MAGEC3: variants seen among roughly 807,000 people sequenced by gnomAD.
The protein encoded by MAGEC3 is melanoma-associated antigen C3.
MAGEC3 carries 34 observed loss-of-function variants against 35.3 expected under a neutral mutation model. The ratio of observed to expected loss-of-function variants is 0.96; its 90% CI spans 0.73 to 1.28. MAGEC3 has a LOEUF of 1.28. MAGEC3 is among the 50% of genes most tolerant of loss of function. The pLI, the probability that MAGEC3 is intolerant of heterozygous loss-of-function variation, is 0.00. For missense variants in MAGEC3, 561 were observed against 483.6 expected, an observed-to-expected ratio of 1.16 and a Z score of -1.50; for synonymous variants, 202 against 185.6, an observed-to-expected ratio of 1.09 and a Z score of -0.72.
intron 4 of MAGEC3, among the ~76,000 whole-genome samples, chrX:141,894,968 G>C (rs1368174386): frequency 2.1e-5 from 2 of 96,647 alleles, no homozygotes; most frequent in African/African-American, 7.7e-5. Flanking sequence ...GAGGGAGTGG[G>C]AAAGTGGGCA....
At chrX:141,881,359 G>A (rs2017962538) in intron 3 of MAGEC3, 44 bp from the exon 4 acceptor site, 1 of 1,155,454 alleles carries the variant, frequency 8.7e-7, no homozygotes, top group African/African-American at 1.8e-5. Flanking sequence ...ATTCAATGAA[G>A]AGCCTAGCAG....
At chrX:141,842,967 T>A (rs1399584674) in intron 1 of MAGEC3, among the ~76,000 whole-genome samples, 1 of 112,466 alleles carries the variant, frequency 8.9e-6, no homozygotes, top group Non-Finnish European at 1.9e-5. Flanking sequence ...CAGGTTTGTT[T>A]GACACACACA....
chrX:141,881,997 G>A lies in MAGEC3; in HGVS notation c.909+201G>A, dbSNP rs186874307. 2.0e-4 allele frequency among the ~76,000 whole-genome samples: 22 copies of A among 111,848 alleles called. 1 individual carries two copies. The highest frequency in any genetic ancestry group is 6.5e-4 in the African/African-American group (20 of 30,786). On this transcript the variant is annotated intron_variant, in intron 4 of 7. Transcript: ENST00000298296. ...GATTTTGGTCATGTGAAACAATACCGTCTCTAGTTCCTTTCCAATCTCTTC... is the reference window on the plus strand; with the variant it reads ...GATTTTGGTCATGTGAAACAATACCATCTCTAGTTCCTTTCCAATCTCTTC...
chrX:141,844,141 T>A lies in MAGEC3; in HGVS notation c.123+5703T>A, dbSNP rs991018149. 3.6e-5 allele frequency among the ~76,000 whole-genome samples: 4 copies of A among 111,456 alleles called. No homozygotes were observed. In the Admixed American group the frequency reaches 3.8e-4, roughly 11 times the overall value. On this transcript the variant is annotated intron_variant, in intron 1 of 7. Coordinates refer to ENST00000298296, the MANE Select transcript of MAGEC3 (RefSeq NM_138702.1). ...ATCCTGTGGATATGTGCAATTATAG[T>A]TCACTTAGTTTTACTGATGTACAGC...
chrX:141,855,147 G>A (rs2017772470), intron 1 of MAGEC3, among the ~76,000 whole-genome samples: 1 of 110,722 alleles, frequency 9.0e-6, no homozygotes, highest in East Asian at 2.9e-4. Context: ...TTGTGTAGTT[G>A]GCTGTCCACT....
intron 1 of MAGEC3, among the ~76,000 whole-genome samples, chrX:141,844,877 A>T (rs1201476143): frequency 3.1e-4 from 34 of 110,334 alleles, no homozygotes; most frequent in Non-Finnish European, 3.8e-5. Context: ...GTAATTGAAC[A>T]TTTTTTTTCT....
At position 141,880,796 on chromosome X, in the gene MAGEC3, C is replaced by A; in HGVS notation, c.516-607C>A. On this transcript the variant is annotated intron_variant, in intron 3 of 7. Coordinates refer to ENST00000298296, the MANE Select transcript of MAGEC3 (RefSeq NM_138702.1). The stretch of plus-strand genomic sequence containing the variant: ...AAACCCCCTAGGATGGCAGGTGACC[C>A]GTGAGGCCCTAGAGCACCACCTTAA... The A allele has an allele frequency of 5.8e-6, 6 of 1,034,500 alleles. 1 individual carries two copies. The highest frequency in any genetic ancestry group is 7.3e-5 in the East Asian group (2 of 27,237). 85.3% of individuals were successfully genotyped at this position (1,034,500 alleles called of 1,213,427 possible).
At chrX:141,856,677 A>C (rs920148839) in intron 1 of MAGEC3, among the ~76,000 whole-genome samples, 1 of 111,863 alleles carries the variant, frequency 8.9e-6, no homozygotes, top group South Asian at 3.7e-4. Context: ...ATAGGTGAAT[A>C]GATAAAGAAA....
At chrX:141,865,803 C>T (rs1173767098) in intron 2 of MAGEC3, among the ~76,000 whole-genome samples, 198 bp downstream of exon 2, 1 of 111,613 alleles carries the variant, frequency 9.0e-6, no homozygotes, top group Non-Finnish European at 1.9e-5. Context: ...AGAGAAGTTC[C>T]AGCTCCAGCA....
chrX:141,864,839 T>G (rs2017838222), intron 1 of MAGEC3, among the ~76,000 whole-genome samples: 1 of 111,957 alleles, frequency 8.9e-6, no homozygotes, highest in East Asian at 2.8e-4. Context: ...ACTGCACAAT[T>G]TTACATTCAC....
chrX:141,876,212 T>C (rs2017919346), intron 2 of MAGEC3, among the ~76,000 whole-genome samples: 1 of 112,066 alleles, frequency 8.9e-6, no homozygotes, highest in Non-Finnish European at 1.9e-5. Context: ...CTGGTCAGGT[T>C]TCTGTCATCA....
At chrX:141,858,509 A>AG (rs1280449950) in intron 1 of MAGEC3, among the ~76,000 whole-genome samples, 2 of 111,455 alleles carry the variant, frequency 1.8e-5, no homozygotes, top group Admixed American at 1.9e-4. Context: ...ATTTTGTTTT[A>AG]TTTTTATGAC....
Position 141,879,292 on chromosome X carries a change from C to T in MAGEC3, c.376C>T (p.Pro126Ser). 8.3e-7 allele frequency: 1 copy of T among 1,206,658 alleles called. No individual in the cohort carries two copies. Among genetic ancestry groups the T allele is most frequent in the Non-Finnish European group, 1.1e-6 (1 of 893,086 alleles). ...AGTTTCAGTTAAGCAGAGGGAGGAA[C>T]CCCAGGACTGGCCACTCAACGAGAA... ...RAVSVKQREE[P>S]QDWPLNEKRT... Residue 126 changes from proline (P) to serine (S), a missense_variant, in exon 3 of 8, where the codon CCC (proline) becomes TCC (serine). Transcript: ENST00000298296.
intron 1 of MAGEC3, among the ~76,000 whole-genome samples, chrX:141,858,943 G>C (rs141882597): frequency 0.029 from 3,156 of 110,446 alleles, 46 homozygotes; most frequent in African/African-American, 0.057. Flanking sequence ...GATTAGCCTA[G>C]CTTGTGGAAA....
intron 1 of MAGEC3, among the ~76,000 whole-genome samples, chrX:141,864,471 G>A (rs1406742240): frequency 9.0e-6 from 1 of 111,443 alleles, no homozygotes; most frequent in Non-Finnish European, 1.9e-5. Context: ...CATGTTCTTT[G>A]CAGGAACATC....
chrX:141,864,165 G>A (rs1431690011), intron 1 of MAGEC3, among the ~76,000 whole-genome samples: 1 of 109,753 alleles, frequency 9.1e-6, no homozygotes, highest in Admixed American at 9.7e-5. Context: ...AGTATGAATA[G>A]AGCTACTATA....
intron 2 of MAGEC3, among the ~76,000 whole-genome samples, chrX:141,873,915 A>C (rs1224274512): frequency 8.9e-6 from 1 of 111,986 alleles, no homozygotes; most frequent in African/African-American, 3.2e-5. Context: ...AGCCAACACA[A>C]TATTAAAGAA....
At chrX:141,869,607 T>G (rs778514855) in intron 2 of MAGEC3, among the ~76,000 whole-genome samples, 2 of 112,362 alleles carry the variant, frequency 1.8e-5, no homozygotes, top group African/African-American at 3.2e-5. Flanking sequence ...CTGTACATTT[T>G]TTGTTGTTGT....
intron 4 of MAGEC3, among the ~76,000 whole-genome samples, chrX:141,893,210 G>C (rs1405399764): frequency 8.9e-6 from 1 of 112,072 alleles, no homozygotes; most frequent in Non-Finnish European, 1.9e-5. Flanking sequence ...TGACCTGTAT[G>C]TTGAGCAACA....
Sources: gnomAD v4.1 joint callset for allele counts (sites outside exome capture counted in the v4.1 genomes callset) on GRCh38, gnomAD v4.1.1 for gene constraint, MANE v1.5 for transcripts, NCBI Gene and HGNC (gene_info 2026-07-23, HGNC 2026-07-21) for gene names.